Variants in EXOC6B observed in about 807,000 individuals in gnomAD.
The protein encoded by EXOC6B is exocyst complex component 6B, also known as SEC15 homolog B.
A neutral mutation model predicts 113.5 loss-of-function variants in EXOC6B; 54 were observed. The ratio of observed to expected loss-of-function variants is 0.48; its 90% CI spans 0.38 to 0.60. The LOEUF (loss-of-function observed/expected upper bound fraction) is 0.60, where lower values mean the gene tolerates loss of function less well. Ranked by LOEUF, EXOC6B falls within the 20% of genes least tolerant of loss-of-function variation. The probability of loss-of-function intolerance (pLI) is 0.00; values close to 1 mark genes in which losing one functional copy is unlikely to be tolerated. For synonymous variants in EXOC6B, 357 were observed against 339.0 expected (o/e 1.05, Z -0.58); for missense variants, 797 against 977.5 (o/e 0.82, Z 2.46).
chr2:72,640,822 C>A (rs1321373734), intron 6 of EXOC6B, among the ~76,000 whole-genome samples: 3 of 152,108 alleles, frequency 2.0e-5, no homozygotes, highest in Non-Finnish European at 1.5e-5. Flanking sequence ...GGTTACAAAC[C>A]TAGTTTCAGA....
At chr2:72,548,742 C>A (rs985805776) in intron 8 of EXOC6B, among the ~76,000 whole-genome samples, 8 of 152,060 alleles carry the variant, frequency 5.3e-5, no homozygotes, top group Non-Finnish European at 7.4e-5. Context: ...AAATATAATA[C>A]CTGCCCTAAA....
intron 6 of EXOC6B, among the ~76,000 whole-genome samples, chr2:72,700,175 C>G (rs1678207987): frequency 6.6e-6 from 1 of 151,018 alleles, no homozygotes; most frequent in Non-Finnish European, 1.5e-5. Context: ...TTTCATCGGC[C>G]ACTGGCTGAA....
intron 8 of EXOC6B, 49 bp from the exon 9 acceptor site, chr2:72,515,175 C>G: frequency 1.3e-6 from 2 of 1,499,340 alleles, no homozygotes; most frequent in Middle Eastern, 1.7e-4. Context: ...ACCAATTACT[C>G]TTTTATTTCA....
At chr2:72,646,439 T>TA (rs955857449) in intron 6 of EXOC6B, among the ~76,000 whole-genome samples, 1 of 152,126 alleles carries the variant, frequency 6.6e-6, no homozygotes, top group African/African-American at 2.4e-5. Context: ...GAATCCTCCC[T>TA]AACTCATTTT....
intron 20 of EXOC6B, among the ~76,000 whole-genome samples, chr2:72,186,802 T>C (rs1046375632): frequency 6.6e-6 from 1 of 152,192 alleles, no homozygotes; most frequent in Non-Finnish European, 1.5e-5. Context: ...TAATGACACA[T>C]GGGAAGTCAC....
intron 6 of EXOC6B, among the ~76,000 whole-genome samples, chr2:72,688,659 G>A (rs1226114462): frequency 6.6e-6 from 1 of 152,180 alleles, no homozygotes; most frequent in African/African-American, 2.4e-5. Flanking sequence ...GGTTCAGTCA[G>A]CATGCACTGA....
intron 18 of EXOC6B, among the ~76,000 whole-genome samples, chr2:72,416,344 A>T (rs1267057440): frequency 6.6e-6 from 1 of 152,216 alleles, no homozygotes. Context: ...CAAGTCTCAG[A>T]TCTTGTGATA....
chr2:72,580,850 C>T (rs1339823949), intron 6 of EXOC6B, among the ~76,000 whole-genome samples: 6 of 152,226 alleles, frequency 3.9e-5, no homozygotes. Flanking sequence ...AGAAATGTTT[C>T]TTTGCTTTGT....
chr2:72,782,705 G>A (rs1684130759), intron 1 of EXOC6B, among the ~76,000 whole-genome samples: 1 of 151,910 alleles, frequency 6.6e-6, no homozygotes, highest in South Asian at 2.1e-4. Flanking sequence ...CACTCCTCTG[G>A]TATCTATCAT....
intron 6 of EXOC6B, among the ~76,000 whole-genome samples, chr2:72,590,110 T>C (rs765944730): frequency 1.3e-5 from 2 of 151,970 alleles, no homozygotes; most frequent in Non-Finnish European, 2.9e-5. Flanking sequence ...CTTAGGATTT[T>C]GGTAATGTTG....
intron 20 of EXOC6B, among the ~76,000 whole-genome samples, chr2:72,296,622 G>A (rs1686151488): frequency 6.6e-6 from 1 of 152,088 alleles, no homozygotes; most frequent in South Asian, 2.1e-4. Context: ...ATAATACACT[G>A]AAAATGGAAA....
chr2:72,276,620 C>T (rs559262757), intron 20 of EXOC6B, among the ~76,000 whole-genome samples: 38 of 152,170 alleles, frequency 2.5e-4, no homozygotes, highest in Non-Finnish European at 5.3e-4. Context: ...TAACTCATCA[C>T]TCACACTGTG....
intron 19 of EXOC6B, among the ~76,000 whole-genome samples, chr2:72,355,666 G>T (rs1400627768): frequency 5.9e-5 from 9 of 152,148 alleles, no homozygotes; most frequent in Non-Finnish European, 1.2e-4. Flanking sequence ...CTGACTTAAT[G>T]CTTCTCAGAT....
At chr2:72,677,549 A>T (rs1676403692) in intron 6 of EXOC6B, among the ~76,000 whole-genome samples, 1 of 152,158 alleles carries the variant, frequency 6.6e-6, no homozygotes, top group Admixed American at 6.6e-5. Flanking sequence ...ATTCTGTTTC[A>T]TCTGGATCCT....
At chr2:72,272,687 A>C (rs1283002212) in intron 20 of EXOC6B, among the ~76,000 whole-genome samples, 1 of 152,152 alleles carries the variant, frequency 6.6e-6, no homozygotes, top group Non-Finnish European at 1.5e-5. Flanking sequence ...CACAAGATTA[A>C]ATTTTAAGAG....
In EXOC6B at chr2:72,491,234, T is replaced by C. The variant is rs184397318; in HGVS notation, c.1665+1084A>G. Among the ~76,000 whole-genome samples, 50 of 152,240 alleles carry C rather than the reference T, an allele frequency of 3.3e-4. 1 individual carries two copies. Among genetic ancestry groups the C allele is most frequent in the Admixed American group, 1.3e-3 (20 of 15,282 alleles). On this transcript the variant is annotated intron_variant, in intron 16 of 21. Transcript: ENST00000272427. ...AAATAAAGTCTAAGGTAATTTTCAA[T>C]TGAAAGAAAAGTTTGCTATAAGTAG...
At chr2:72,644,907 C>G (rs973707524) in intron 6 of EXOC6B, among the ~76,000 whole-genome samples, 3 of 152,156 alleles carry the variant, frequency 2.0e-5, no homozygotes, top group Non-Finnish European at 4.4e-5. Flanking sequence ...CAGCTAACAT[C>G]ATAATGACAG....
At chr2:72,671,080 A>T (rs1675758442) in intron 6 of EXOC6B, among the ~76,000 whole-genome samples, 1 of 152,226 alleles carries the variant, frequency 6.6e-6, no homozygotes, top group African/African-American at 2.4e-5. Flanking sequence ...AACATTGGGG[A>T]AATGCTCCAG....
At chr2:72,603,576 C>T (rs1011316532) in intron 6 of EXOC6B, among the ~76,000 whole-genome samples, 7 of 152,156 alleles carry the variant, frequency 4.6e-5, no homozygotes, top group African/African-American at 7.2e-5. Context: ...CTATGCTCCC[C>T]GTGTGTAACT....
Sources: allele counts gnomAD v4.1 joint callset (sites outside exome capture counted in the v4.1 genomes callset), GRCh38; gene constraint gnomAD v4.1.1; transcripts MANE v1.5; gene names NCBI Gene and HGNC (gene_info 2026-07-23, HGNC 2026-07-21).